NCAM1: variants seen among roughly 807,000 people sequenced by gnomAD.
The protein encoded by NCAM1 is neural cell adhesion molecule 1, also known as antigen recognized by monoclonal antibody 5.1H11.
In NCAM1, 14 loss-of-function variants were observed where a neutral mutation model predicts 109.8. That is an observed-to-expected ratio of 0.13 (90% confidence interval 0.08 to 0.20). The LOEUF (loss-of-function observed/expected upper bound fraction) is 0.20, where lower values mean the gene tolerates loss of function less well. Ranked by LOEUF, NCAM1 falls within the 10% of genes least tolerant of loss-of-function variation. The pLI is 1.00. For missense variants in NCAM1, 774 were observed against 1,109.9 expected (o/e 0.70, Z 4.30); for synonymous variants, 418 against 442.9 (o/e 0.94, Z 0.70).
intron 1 of NCAM1, among the ~76,000 whole-genome samples, chr11:113,056,831 G>T (rs539239777): frequency 6.6e-6 from 1 of 151,164 alleles, no homozygotes; most frequent in Non-Finnish European, 1.5e-5. Context: ...CATTTGTTTT[G>T]TTTTTTTTTA....
At chr11:113,231,054 A>T in intron 9 of NCAM1, 1 of 766,050 alleles carries the variant, frequency 1.3e-6, no homozygotes, top group Middle Eastern at 2.4e-4. Context: ...CTTCCAGTGC[A>T]GTGGCTCCTG....
chr11:113,266,860 A>G (rs1320509808), intron 17 of NCAM1, among the ~76,000 whole-genome samples: 1 of 152,214 alleles, frequency 6.6e-6, no homozygotes, highest in Non-Finnish European at 1.5e-5. Context: ...ACCGTGTGCC[A>G]GGCAGTGTAG....
chr11:113,196,607 C>T (rs1475596774), intron 1 of NCAM1, among the ~76,000 whole-genome samples: 1 of 152,082 alleles, frequency 6.6e-6, no homozygotes, highest in African/African-American at 2.4e-5. Context: ...TTTCAAAGCC[C>T]CATGAGGATG....
At chr11:113,058,326 T>C (rs1953789167) in intron 1 of NCAM1, among the ~76,000 whole-genome samples, 1 of 152,002 alleles carries the variant, frequency 6.6e-6, no homozygotes, top group South Asian at 2.1e-4. Flanking sequence ...TGTGGAGAGA[T>C]TGTTCTATAA....
intron 8 of NCAM1, among the ~76,000 whole-genome samples, chr11:113,220,253 G>A (rs1944645935): frequency 6.6e-6 from 1 of 152,160 alleles, no homozygotes; most frequent in African/African-American, 2.4e-5. Flanking sequence ...GGGTTGGCTT[G>A]CAAATGCCAA....
chr11:113,143,977 G>A (rs1475005351), intron 1 of NCAM1, among the ~76,000 whole-genome samples: 2 of 152,182 alleles, frequency 1.3e-5, no homozygotes, highest in Admixed American at 6.5e-5. Flanking sequence ...GCAAGTGACA[G>A]CATATCTTTC....
intron 1 of NCAM1, among the ~76,000 whole-genome samples, chr11:113,161,196 T>C (rs1412460456): frequency 6.6e-6 from 1 of 152,186 alleles, no homozygotes; most frequent in African/African-American, 2.4e-5. Flanking sequence ...CCCCAAGAGA[T>C]GATTACTTTC....
chr11:113,165,391 G>A (rs1555105103), intron 1 of NCAM1, among the ~76,000 whole-genome samples: 1 of 152,142 alleles, frequency 6.6e-6, no homozygotes, highest in Admixed American at 6.5e-5. Flanking sequence ...TGGGCTCCGA[G>A]TAGACTCACT....
At chr11:113,087,663 G>A (rs1175349786) in intron 1 of NCAM1, among the ~76,000 whole-genome samples, 2 of 152,200 alleles carry the variant, frequency 1.3e-5, no homozygotes, top group African/African-American at 4.8e-5. Flanking sequence ...TAGAGGGTGA[G>A]TATGAGGCAT....
intron 15 of NCAM1, among the ~76,000 whole-genome samples, chr11:113,248,052 C>T (rs1449305536): frequency 1.3e-5 from 2 of 152,020 alleles, no homozygotes; most frequent in South Asian, 2.1e-4. Flanking sequence ...TGCTATAATT[C>T]GGAACGAAAC....
chr11:113,141,930 C>T (rs2136203918), intron 1 of NCAM1, among the ~76,000 whole-genome samples: 1 of 152,228 alleles, frequency 6.6e-6, no homozygotes, highest in Middle Eastern at 3.4e-3. Context: ...ACAATTGCGA[C>T]CTCTTTCTAG....
intron 1 of NCAM1, among the ~76,000 whole-genome samples, chr11:112,999,642 T>C (rs530405074): frequency 6.6e-6 from 1 of 152,170 alleles, no homozygotes; most frequent in South Asian, 2.1e-4. Context: ...CCCACATGGA[T>C]ATTGTCTGAT....
chr11:113,174,174 C>A (rs1456313110), intron 1 of NCAM1, among the ~76,000 whole-genome samples: 5 of 152,114 alleles, frequency 3.3e-5, no homozygotes, highest in African/African-American at 1.2e-4. Context: ...GATTTCCTGG[C>A]AATCCTGTTC....
At chr11:113,150,945 A>G (rs892236710) in intron 1 of NCAM1, among the ~76,000 whole-genome samples, 1 of 152,170 alleles carries the variant, frequency 6.6e-6, no homozygotes, top group Non-Finnish European at 1.5e-5. Flanking sequence ...CAGATAGTTG[A>G]GGTGTGGTCA....
At chr11:113,082,592 G>A (rs953412390) in intron 1 of NCAM1, among the ~76,000 whole-genome samples, 2 of 152,196 alleles carry the variant, frequency 1.3e-5, no homozygotes, top group Non-Finnish European at 2.9e-5. Context: ...ATCTTTCAAA[G>A]GAGTAGTTTT....
intron 8 of NCAM1, among the ~76,000 whole-genome samples, chr11:113,218,668 A>G (rs1261250329): frequency 1.3e-5 from 2 of 152,208 alleles, no homozygotes; most frequent in African/African-American, 4.8e-5. Flanking sequence ...TTTGAGAATG[A>G]CCATTACCAA....
intron 1 of NCAM1, among the ~76,000 whole-genome samples, chr11:113,062,787 C>T (rs1473277689): frequency 6.6e-6 from 1 of 152,054 alleles, no homozygotes; most frequent in Non-Finnish European, 1.5e-5. Context: ...GTCTGGGCAA[C>T]ATATTGAGAC....
At position 113,083,429 on chromosome 11, in the gene NCAM1, G is replaced by C. The variant is rs139454171; in HGVS notation, c.53-118950G>C. 1.4e-4 allele frequency among the ~76,000 whole-genome samples: 22 copies of C among 152,258 alleles called. No homozygotes were observed. The East Asian group carries it at 2.9e-3, about 20-fold the overall frequency. ...AGTATGACACTATTTACAGGAAAAA[G>C]GTGTAAAAGTGCTGTTTCATTGGGC... On this transcript the variant is annotated intron_variant, in intron 1 of 19. Coordinates refer to ENST00000316851, the MANE Select transcript of NCAM1 (RefSeq NM_181351.5).
chr11:112,995,288 A>G (rs1482407434), intron 1 of NCAM1, among the ~76,000 whole-genome samples: 1 of 152,144 alleles, frequency 6.6e-6, no homozygotes, highest in Non-Finnish European at 1.5e-5. Context: ...GTATTAACAG[A>G]ATTGTCGGGT....
Sources: gnomAD v4.1 joint callset for allele counts (sites outside exome capture counted in the v4.1 genomes callset) on GRCh38, gnomAD v4.1.1 for gene constraint, MANE v1.5 for transcripts, NCBI Gene and HGNC (gene_info 2026-07-23, HGNC 2026-07-21) for gene names.